WDFY3: variants seen among roughly 807,000 people sequenced by gnomAD.
The protein encoded by WDFY3 is WD repeat and FYVE domain-containing protein 3.
WDFY3 carries 66 observed loss-of-function variants against 409.6 expected under a neutral mutation model. The ratio of observed to expected loss-of-function variants is 0.16; its 90% confidence interval spans 0.13 to 0.20. WDFY3 has a LOEUF of 0.20. Among genes scored for constraint, WDFY3 ranks in the 10% least tolerant of loss-of-function variants. The pLI is 1.00. For missense variants in WDFY3, 3,031 were observed against 4,298.1 expected (o/e 0.71, Z 8.24); for synonymous variants, 1,521 against 1,537.1 (o/e 0.99, Z 0.25).
At chr4:84,878,078 T>C (rs954232394) in intron 3 of WDFY3, among the ~76,000 whole-genome samples, 1 of 152,186 alleles carries the variant, frequency 6.6e-6, no homozygotes, top group Admixed American at 6.5e-5. Context: ...TACCCCATAA[T>C]GTACTTTTTA....
chr4:84,799,383 G>A (rs1356370743), intron 17 of WDFY3, among the ~76,000 whole-genome samples: 1 of 150,610 alleles, frequency 6.6e-6, no homozygotes, highest in Non-Finnish European at 1.5e-5. Flanking sequence ...TGTTATTCAG[G>A]CTTATTTCAA....
intron 30 of WDFY3, among the ~76,000 whole-genome samples, chr4:84,769,762 T>G (rs1322509842): frequency 6.6e-6 from 1 of 152,096 alleles, no homozygotes; most frequent in Non-Finnish European, 1.5e-5. Flanking sequence ...ATTGTATGCA[T>G]TCATGGGGAA....
intron 21 of WDFY3, 151 bp from the exon 22 acceptor site, chr4:84,790,058 T>C (rs985966611): frequency 4.3e-6 from 4 of 922,278 alleles, no homozygotes; most frequent in South Asian, 1.8e-5. Context: ...GAAAAAAAAA[T>C]GATAATGCGG....
rs1026403025 is a variant in WDFY3 at position 84,798,018 on chromosome 4, C to T, written c.2913G>A (p.Leu971=). The T allele has an allele frequency of 3.7e-6, 6 of 1,612,318 alleles. No individual in the cohort carries two copies. Among genetic ancestry groups the T allele is most frequent in the African/African-American group, 2.7e-5 (2 of 74,994 alleles). The change falls in exon 18 of 68, where the codon CTG becomes CTA. Residue 971 remains leucine (L), a synonymous_variant. Coordinates refer to ENST00000295888, the MANE Select transcript of WDFY3 (RefSeq NM_014991.6). Reference sequence around the variant, plus strand: ...TACTTCTCATTTCTGGTTCATAACTCAGTGAACTTGGTTTGTGGACCCTAT... The same window carrying T: ...TACTTCTCATTTCTGGTTCATAACTTAGTGAACTTGGTTTGTGGACCCTAT... ...KQYRVHKPSS[L]SYEPEMRSSM...
chr4:84,803,564 A>G (rs1226588654), intron 15 of WDFY3, 97 bp from the exon 16 acceptor site: 1 of 1,313,412 alleles, frequency 7.6e-7, no homozygotes, highest in Non-Finnish European at 1.0e-6. Flanking sequence ...AAGCCTTGTT[A>G]GAAAACACCT....
chr4:84,787,264 T>A (rs568803144), intron 23 of WDFY3, among the ~76,000 whole-genome samples: 2 of 152,116 alleles, frequency 1.3e-5, no homozygotes, highest in Non-Finnish European at 2.9e-5. Flanking sequence ...AGAAACTGGA[T>A]AATAAGCGAT....
chr4:84,841,801 C>T (rs1333828289), intron 5 of WDFY3, among the ~76,000 whole-genome samples: 2 of 152,098 alleles, frequency 1.3e-5, no homozygotes, highest in Non-Finnish European at 2.9e-5. Flanking sequence ...ATTTGATTTT[C>T]TGGGCAAGAG....
chr4:84,791,780 G>A (rs1413490355), intron 21 of WDFY3, among the ~76,000 whole-genome samples: 5 of 152,050 alleles, frequency 3.3e-5, no homozygotes, highest in African/African-American at 4.8e-5. Flanking sequence ...TTTGTCCCAC[G>A]TATATAAATA....
chr4:84,775,650 A>G (rs1220104355), intron 27 of WDFY3, among the ~76,000 whole-genome samples: 1 of 151,936 alleles, frequency 6.6e-6, no homozygotes, highest in Non-Finnish European at 1.5e-5. Flanking sequence ...GCAATCTAAG[A>G]TATGTGTCAT....
At chr4:84,840,506 C>T (rs971522131) in intron 6 of WDFY3, among the ~76,000 whole-genome samples, 2 of 152,116 alleles carry the variant, frequency 1.3e-5, no homozygotes, top group African/African-American at 2.4e-5. Context: ...CCTGATGGAC[C>T]CAGAGCTCCT....
intron 5 of WDFY3, among the ~76,000 whole-genome samples, chr4:84,845,407 TGGCCAGGGGCTGAGGA>T: frequency 6.6e-6 from 1 of 152,192 alleles, no homozygotes; most frequent in East Asian, 1.9e-4. Context: ...TGGTGGTTGG[TGGCCAGGGGCTGAGGA>T]GAGGGGGAAA....
intron 4 of WDFY3, among the ~76,000 whole-genome samples, chr4:84,858,648 C>T (rs112875553): frequency 6.6e-6 from 1 of 151,052 alleles, no homozygotes; most frequent in Non-Finnish European, 1.5e-5. Context: ...AAGCTGAAGC[C>T]ACAATAAAAT....
chr4:84,919,383 GCTA>G (rs1278502234), intron 2 of WDFY3, among the ~76,000 whole-genome samples: 1 of 152,124 alleles, frequency 6.6e-6, no homozygotes, highest in African/African-American at 2.4e-5. Flanking sequence ...ATCAATGGAT[GCTA>G]CATACAGGGG....
At chr4:84,680,993 C>A (rs1339854204) in intron 64 of WDFY3, among the ~76,000 whole-genome samples, 2 of 152,156 alleles carry the variant, frequency 1.3e-5, no homozygotes, top group African/African-American at 4.8e-5. Flanking sequence ...CAGTAGGGGG[C>A]TATTGGACTA....
Position 84,796,543 on chromosome 4 carries a change from C to A in WDFY3, c.3145G>T (p.Asp1049Tyr). The change falls in exon 19 of 68, where the codon GAC becomes TAC. Residue 1049 changes from aspartate to tyrosine, a missense_variant. This residue lies in a region of WDFY3 where 1,322 missense variants were observed against 1,697.9 expected (regional missense o/e 0.78). Coordinates refer to ENST00000295888, the MANE Select transcript of WDFY3 (RefSeq NM_014991.6). ...TACCCAAACCCTTCAAGTGATGTGT[C>A]AAATTCAACAAAAGCTGGAGTAACT... ...SSVTPAFVEF[D>Y]TSLEGFGCLF... The A allele has an allele frequency of 1.2e-6, 2 of 1,600,014 alleles. No individual in the cohort carries two copies. Among genetic ancestry groups the A allele is most frequent in the East Asian group, 2.3e-5 (1 of 44,344 alleles).
At chr4:84,884,366 C>A (rs968626355) in intron 3 of WDFY3, among the ~76,000 whole-genome samples, 5 of 151,688 alleles carry the variant, frequency 3.3e-5, no homozygotes, top group Admixed American at 3.3e-4. Context: ...ATGTTCATAC[C>A]ATTTAATATA....
intron 7 of WDFY3, 152 bp downstream of exon 7, chr4:84,836,777 C>CA (rs781670579): frequency 3.8e-5 from 27 of 707,794 alleles, no homozygotes; most frequent in Non-Finnish European, 5.1e-5. Context: ...TCTGCAGATT[C>CA]AAAAAATGTG....
intron 24 of WDFY3, among the ~76,000 whole-genome samples, chr4:84,785,281 G>A (rs1250126280): frequency 6.6e-6 from 1 of 151,962 alleles, no homozygotes; most frequent in African/African-American, 2.4e-5. Flanking sequence ...TCCATGGCAG[G>A]TACGTACAGT....
intron 4 of WDFY3, among the ~76,000 whole-genome samples, chr4:84,858,096 CA>C (rs1393018139): frequency 1.3e-5 from 2 of 152,060 alleles, no homozygotes; most frequent in African/African-American, 4.8e-5. Context: ...TTTCCAACAA[CA>C]AAAATAATAA....
Sources: gnomAD v4.1 joint callset for allele counts (sites outside exome capture counted in the v4.1 genomes callset) on GRCh38, gnomAD v4.1.1 for gene constraint, gnomAD v4.1.1 regional missense constraint, MANE v1.5 for transcripts, NCBI Gene and HGNC (gene_info 2026-07-23, HGNC 2026-07-21) for gene names.